Variants in CELSR1 observed in about 807,000 individuals in gnomAD.
The protein encoded by CELSR1 is cadherin EGF LAG seven-pass G-type receptor 1.
Under a neutral mutation model 249.1 loss-of-function variants are expected in CELSR1, and 110 were observed. The ratio of observed to expected loss-of-function variants is 0.44; its 90% confidence interval spans 0.38 to 0.52. The LOEUF is 0.52. Among genes scored for constraint, CELSR1 ranks in the 20% least tolerant of loss-of-function variants. The pLI is 0.00. For missense variants in CELSR1, 4,109 were observed against 4,296.4 expected, an observed-to-expected ratio of 0.96 and a Z score of 1.22; for synonymous variants, 2,113 against 1,900.0, an observed-to-expected ratio of 1.11 and a Z score of -2.92.
chr22:46,503,277 G>A (rs933597115), intron 1 of CELSR1, among the ~76,000 whole-genome samples: 2 of 152,258 alleles, frequency 1.3e-5, no homozygotes, highest in African/African-American at 4.8e-5. Context: ...TTTGCTGGGA[G>A]ATTCAGCCTC....
rs2080651198 is a variant in CELSR1, at chr22:46,518,464, GA to G, written c.3544+15162del. 6.6e-6 allele frequency among the ~76,000 whole-genome samples: 1 copy of G among 152,224 alleles called. No individual in the cohort carries two copies. The highest frequency in any genetic ancestry group is 2.4e-5 in the African/African-American group (1 of 41,458). ...GTGGACAGACTGCAGATCCCACTGA[GA>G]AGGGAGGCCTCGGTTATCTGATTTA... On this transcript the variant is annotated intron_variant, in intron 1 of 34. Transcript: ENST00000674500. The surrounding 1 kb of genome is among the most constrained non-coding windows in gnomAD (Gnocchi z 5.2).
At position 46,366,382 on chromosome 22, in the gene CELSR1, T is replaced by C; in HGVS notation, c.8300+4A>G. On this transcript the variant is annotated splice_donor_region_variant and intron_variant, in intron 30 of 34. Transcript: ENST00000674500. Reference sequence around the variant, plus strand: ...CCTCCCCGAACCCGGAGCTGCGGCCTGACCTGACGATGCTGTCCAGCGAGG... The same window carrying C: ...CCTCCCCGAACCCGGAGCTGCGGCCCGACCTGACGATGCTGTCCAGCGAGG... 1 of 1,545,964 alleles carries C rather than the reference T, an allele frequency of 6.5e-7. No homozygotes were observed.
chr22:46,378,276 C>G (rs1028414914), intron 23 of CELSR1, among the ~76,000 whole-genome samples: 4 of 152,102 alleles, frequency 2.6e-5, no homozygotes, highest in Non-Finnish European at 4.4e-5. Flanking sequence ...TCCGAGAGCT[C>G]CTCGGAGCCT....
rs776824429 is a variant in CELSR1 at position 46,397,830 on chromosome 22, TC to T, written c.5544del (p.Thr1849ArgfsTer8). On this transcript the variant is annotated frameshift_variant, in exon 12 of 35. Transcript: ENST00000674500. LOFTEE classifies it high-confidence loss of function. ...RGCMQGVRMG[G>X]TPTNVATLNM... ...TTCAGGGTGGCGACGTTGGTGGGCG[TC>T]CCCCCCATCCTCACTCCCTGCATTA... is the stretch of plus-strand genomic sequence containing the variant. The T allele has an allele frequency of 7.0e-6, 11 of 1,567,530 alleles. No individual in the cohort carries two copies. The highest frequency in any genetic ancestry group is 7.0e-5 in the East Asian group (3 of 42,956).
intron 1 of CELSR1, among the ~76,000 whole-genome samples, chr22:46,520,901 C>T (rs1200738035): frequency 6.6e-6 from 1 of 152,190 alleles, no homozygotes; most frequent in Non-Finnish European, 1.5e-5. Flanking sequence ...CCCTCCCCAC[C>T]CCCTGGCAAC....
At chr22:46,515,325 G>A (rs979588312) in intron 1 of CELSR1, among the ~76,000 whole-genome samples, 11 of 152,232 alleles carry the variant, frequency 7.2e-5, no homozygotes, top group African/African-American at 2.2e-4. Flanking sequence ...ACAGCCCAGC[G>A]GTCTCAGTGC....
intron 1 of CELSR1, among the ~76,000 whole-genome samples, chr22:46,533,093 C>T (rs561560811): frequency 6.6e-6 from 1 of 152,174 alleles, no homozygotes; most frequent in Non-Finnish European, 1.5e-5. Context: ...CACACCTAAG[C>T]CCGACTGTTA....
At chr22:46,519,221 T>G (rs1410443196) in intron 1 of CELSR1, among the ~76,000 whole-genome samples, 1 of 152,152 alleles carries the variant, frequency 6.6e-6, no homozygotes, top group African/African-American at 2.4e-5. Flanking sequence ...GTGGGGGTGT[T>G]GCACACCACT....
chr22:46,369,586 C>T lies in CELSR1; in HGVS notation c.7872+106G>A, dbSNP rs939361830. The T allele has an allele frequency of 7.0e-6, 7 of 999,568 alleles. No homozygotes were observed. The African/African-American group carries it at 9.7e-5, about 14-fold the overall frequency. 61.9% of individuals were successfully genotyped at this position (999,568 alleles called of 1,614,324 possible). ...TGTTACAAGGTGGCCCTTCCTGCCC[C>T]CCGTCGGCTGCTCAGAGGAGTTGGT... is the stretch of plus-strand genomic sequence containing the variant. On this transcript the variant is annotated intron_variant, in intron 26 of 34. Coordinates refer to ENST00000674500, the MANE Select transcript of CELSR1 (RefSeq NM_001378328.1).
chr22:46,522,321 T>G (rs948876121), intron 1 of CELSR1, among the ~76,000 whole-genome samples: 1 of 152,120 alleles, frequency 6.6e-6, no homozygotes, highest in African/African-American at 2.4e-5. Flanking sequence ...ATTTTTTTGG[T>G]AGAAATTGCC....
chr22:46,414,727 G>A (rs752568290), intron 5 of CELSR1, among the ~76,000 whole-genome samples: 43 of 152,352 alleles, frequency 2.8e-4, no homozygotes, highest in Admixed American at 7.2e-4. Context: ...ACAGACGGGG[G>A]TCCCCAAAGC....
In CELSR1 at chr22:46,487,895, G is replaced by T. The variant is rs535249608; in HGVS notation, c.3545-23550C>A. On this transcript the variant is annotated intron_variant, in intron 1 of 34. Coordinates refer to ENST00000674500, the MANE Select transcript of CELSR1 (RefSeq NM_001378328.1). ...GGGGGAGGGGTGTCCAGCTGATGGG[G>T]GTATATGGGAGGGCTGTCCAGCTGA... is the stretch of plus-strand genomic sequence containing the variant. Among the ~76,000 whole-genome samples, 14 of 140,420 alleles carry T rather than the reference G, an allele frequency of 1.0e-4. No individual in the cohort carries two copies. The South Asian group carries it at 2.2e-3, about 22-fold the overall frequency. The allele number at this position is 140,420 out of a possible 152,430, so 92.1% of individuals were successfully genotyped here.
chr22:46,503,304 T>C (rs1357209966), intron 1 of CELSR1, among the ~76,000 whole-genome samples: 4 of 152,186 alleles, frequency 2.6e-5, no homozygotes, highest in Admixed American at 6.5e-5. Context: ...CAGCGACCCT[T>C]TCATGCCAGA....
rs1423215466 is a variant in CELSR1, at chr22:46,411,626, T to G, written c.4745A>C (p.Gln1582Pro). ...CTTCTTGGAGCCGGTCTGAGTGCCCTGGGCAGCGCAGCTGTAGTTCCCGAT... is the reference window on the plus strand; with the variant it reads ...CTTCTTGGAGCCGGTCTGAGTGCCCGGGGCAGCGCAGCTGTAGTTCCCGAT... Reference protein sequence around the residue: ...KDIGNYSCAAQGTQTGSKKSL... With the variant: ...KDIGNYSCAAPGTQTGSKKSL... The change falls in exon 6 of 35, where the codon CAG becomes CCG. Residue 1582 changes from glutamine to proline, a missense_variant. By Grantham distance (76) the Gln-to-Pro change is moderately conservative. Transcript: ENST00000674500. The surrounding 1 kb of genome is among the most constrained non-coding windows in gnomAD (Gnocchi z 4.2). 2.5e-6 allele frequency: 4 copies of G among 1,614,048 alleles called. No individual in the cohort carries two copies. In the African/African-American group the frequency reaches 4.0e-5, roughly 16 times the overall value.
At chr22:46,489,635 G>A (rs781431337) in intron 1 of CELSR1, among the ~76,000 whole-genome samples, 15 of 152,130 alleles carry the variant, frequency 9.9e-5, no homozygotes, top group South Asian at 2.1e-4. Flanking sequence ...ATCTTTGGCC[G>A]TGCACGGTGG....
At chr22:46,483,021 A>G (rs1411662065) in intron 1 of CELSR1, among the ~76,000 whole-genome samples, 1 of 152,226 alleles carries the variant, frequency 6.6e-6, no homozygotes, top group African/African-American at 2.4e-5. Context: ...AGCTGTCTAC[A>G]TAACGGACAA....
At chr22:46,382,146 A>G (rs1009932226) in intron 20 of CELSR1, 96 bp from the exon 21 acceptor site, 1 of 1,160,526 alleles carries the variant, frequency 8.6e-7, no homozygotes, top group Non-Finnish European at 1.2e-6. Context: ...AAACCAACAG[A>G]TGTCCCACAG....
In CELSR1 at chr22:46,473,564, C is replaced by T. The variant is rs1029570218; in HGVS notation, c.3545-9219G>A. Among the ~76,000 whole-genome samples the T allele has an allele frequency of 6.6e-6, 1 of 152,194 alleles. No individual in the cohort carries two copies. The highest frequency in any genetic ancestry group is 1.5e-5 in the Non-Finnish European group (1 of 68,026). On this transcript the variant is annotated intron_variant, in intron 1 of 34. Coordinates refer to ENST00000674500, the MANE Select transcript of CELSR1 (RefSeq NM_001378328.1). This position sits in a 1 kb window ranked among gnomAD's most constrained non-coding sequence, Gnocchi z 6.6. ...GGGGGGCTCCTCCACTCTCCCGTCA[C>T]CAACGCCCCTCGAGGCCTGGTTAGG...
At position 46,423,553 on chromosome 22, in the gene CELSR1, C is replaced by T. The variant is rs1461792415; in HGVS notation, c.4611+9840G>A. Among the ~76,000 whole-genome samples the T allele has an allele frequency of 6.8e-6, 1 of 147,100 alleles. No homozygotes were observed. The highest frequency in any genetic ancestry group is 1.5e-5 in the Non-Finnish European group (1 of 67,314). On this transcript the variant is annotated intron_variant, in intron 5 of 34. Coordinates refer to ENST00000674500, the MANE Select transcript of CELSR1 (RefSeq NM_001378328.1). This position sits in a 1 kb window ranked among gnomAD's most constrained non-coding sequence, Gnocchi z 5.6. Reference sequence around the variant, plus strand: ...CTGGGAGGCAGAGGTTGCGGTGAGCCGAGATCGCGCCTTTACACTCCAGCC... The same window carrying T: ...CTGGGAGGCAGAGGTTGCGGTGAGCTGAGATCGCGCCTTTACACTCCAGCC...
Sources: allele counts gnomAD v4.1 joint callset (sites outside exome capture counted in the v4.1 genomes callset), GRCh38; gene constraint gnomAD v4.1.1; non-coding constraint Gnocchi (gnomAD v3.1); transcripts MANE v1.5; gene names NCBI Gene and HGNC (gene_info 2026-07-23, HGNC 2026-07-21).